Variants in MYT1L observed in about 807,000 individuals in gnomAD.
MYT1L encodes the protein myelin transcription factor 1-like protein.
Under a neutral mutation model 126.7 loss-of-function variants are expected in MYT1L, and 12 were observed. The observed-to-expected ratio is 0.09, with a 90% CI of 0.06 to 0.15. The LOEUF (loss-of-function observed/expected upper bound fraction) is 0.15, where lower values mean the gene tolerates loss of function less well. Among genes scored for constraint, MYT1L ranks in the 10% least tolerant of loss-of-function variants. The pLI is 1.00. For synonymous variants in MYT1L, 541 were observed against 604.2 expected, an observed-to-expected ratio of 0.90 and a Z score of 1.53; for missense variants, 979 against 1,585.2, an observed-to-expected ratio of 0.62 and a Z score of 6.49.
chr2:2,004,823 C>T (rs1173461578), intron 4 of MYT1L, among the ~76,000 whole-genome samples: 1 of 150,408 alleles, frequency 6.6e-6, no homozygotes, highest in African/African-American at 2.5e-5. Flanking sequence ...GGCATTCTTT[C>T]CTGCATGTGT....
At chr2:2,216,873 G>A (rs1437087671) in intron 2 of MYT1L, among the ~76,000 whole-genome samples, 1 of 151,960 alleles carries the variant, frequency 6.6e-6, no homozygotes, top group Non-Finnish European at 1.5e-5. Context: ...TTACTAAAAA[G>A]ATAATGAACA....
At chr2:2,056,321 AG>A (rs2069552294) in intron 3 of MYT1L, among the ~76,000 whole-genome samples, 1 of 152,184 alleles carries the variant, frequency 6.6e-6, no homozygotes. Context: ...CCCCTCTTGG[AG>A]GAAGGGGAGT....
chr2:2,096,946 G>T (rs72767371), intron 3 of MYT1L, among the ~76,000 whole-genome samples: 6,537 of 152,230 alleles, frequency 0.043, 209 homozygotes, highest in Non-Finnish European at 0.066. Flanking sequence ...TTCACAGTGT[G>T]GGCTAGGGGG....
chr2:2,230,082 C>G (rs2149052973), intron 2 of MYT1L, among the ~76,000 whole-genome samples: 1 of 152,296 alleles, frequency 6.6e-6, no homozygotes, highest in Non-Finnish European at 1.5e-5. Flanking sequence ...TCAGATTCTC[C>G]AGTGACTTGT....
In MYT1L at chr2:2,093,085, T is replaced by C. The variant is rs556796917; in HGVS notation, c.-303-38962A>G. ...AATACAGAGGATGAACTGACAATAA[T>C]AAAAGCATAATAAAAATATTTTATT... On this transcript the variant is annotated intron_variant, in intron 3 of 24. Transcript: ENST00000647738. Among the ~76,000 whole-genome samples the C allele has an allele frequency of 3.9e-5, 6 of 152,296 alleles. No homozygotes were observed. In the South Asian group the frequency reaches 1.2e-3, roughly 32 times the overall value.
chr2:2,020,684 G>C (rs529241858), intron 4 of MYT1L, among the ~76,000 whole-genome samples: 66 of 152,082 alleles, frequency 4.3e-4, no homozygotes, highest in African/African-American at 1.5e-3. Flanking sequence ...AACTTTTCTT[G>C]TTCCTAAGTT....
intron 4 of MYT1L, among the ~76,000 whole-genome samples, chr2:2,031,739 C>T (rs1456468876): frequency 7.5e-5 from 11 of 146,366 alleles, no homozygotes; most frequent in African/African-American, 2.8e-4. Flanking sequence ...CATCCTGTCG[C>T]CCAGAGCAGA....
rs80163849 is a variant in MYT1L, at chr2:2,280,310, G to A, written c.-421+4094C>T. On this transcript the variant is annotated intron_variant, in intron 2 of 24. Coordinates refer to ENST00000647738, the MANE Select transcript of MYT1L (RefSeq NM_001303052.2). ...CTGGTTGTATGGTTCACAGCTTTAC[G>A]TATTGTTGATTTGTTGCCATTGCTT... 9.9e-5 allele frequency among the ~76,000 whole-genome samples: 15 copies of A among 152,252 alleles called. No homozygotes were observed. The East Asian group carries it at 2.5e-3, about 26-fold the overall frequency.
rs1167910803 is a variant in MYT1L at position 2,217,685 on chromosome 2, C to CAAAAAAAAAAAAAAAA, written c.-420-44698_-420-44697insTTTTTTTTTTTTTTTT. Among the ~76,000 whole-genome samples the CAAAAAAAAAAAAAAAA allele has an allele frequency of 6.3e-5, 5 of 79,634 alleles. 1 individual carries two copies. Among genetic ancestry groups the CAAAAAAAAAAAAAAAA allele is most frequent in the Non-Finnish European group, 9.7e-5 (4 of 41,124 alleles). 52.2% of individuals were successfully genotyped at this position (79,634 alleles called of 152,430 possible). A position where few individuals can be genotyped will look rare whatever the true frequency, so the allele number is the denominator to read the frequency against. On this transcript the variant is annotated intron_variant, in intron 2 of 24. Coordinates refer to ENST00000647738, the MANE Select transcript of MYT1L (RefSeq NM_001303052.2). ...AACTCCATCTCAACAACAACAACAA[C>CAAAAAAAAAAAAAAAA]AACAACAACAACAACAACAACAAAA... is the stretch of plus-strand genomic sequence containing the variant.
chr2:2,286,144 G>A lies in MYT1L; in HGVS notation c.-520-1641C>T, dbSNP rs187474897. Among the ~76,000 whole-genome samples, 415 of 152,118 alleles carry A rather than the reference G, an allele frequency of 2.7e-3. 5 individuals carry two copies. The highest frequency in any genetic ancestry group is 9.6e-3 in the African/African-American group (398 of 41,476). Reference sequence around the variant, plus strand: ...AATACTGGCGTGTGCCACCACCCCCGGCTAATTTTTGTATTTTTAGTAGAG... The same window carrying A: ...AATACTGGCGTGTGCCACCACCCCCAGCTAATTTTTGTATTTTTAGTAGAG... On this transcript the variant is annotated intron_variant, in intron 1 of 24. Transcript: ENST00000647738.
At position 2,059,524 on chromosome 2, in the gene MYT1L, G is replaced by A. The variant is rs2070108572; in HGVS notation, c.-303-5401C>T. Among the ~76,000 whole-genome samples the A allele has an allele frequency of 6.6e-6, 1 of 152,194 alleles. No individual in the cohort carries two copies. Among genetic ancestry groups the A allele is most frequent in the Non-Finnish European group, 1.5e-5 (1 of 68,034 alleles). The stretch of plus-strand genomic sequence containing the variant: ...TGGCGGCACTTCATCCCCACTGAGG[G>A]TGGACATGCATGCAGTGAGTTCTCC... On this transcript the variant is annotated intron_variant, in intron 3 of 24. Transcript: ENST00000647738. This position sits in a 1 kb window ranked among gnomAD's most constrained non-coding sequence, Gnocchi z 4.7.
At chr2:2,073,763 C>G (rs2074899476) in intron 3 of MYT1L, among the ~76,000 whole-genome samples, 1 of 152,184 alleles carries the variant, frequency 6.6e-6, no homozygotes, top group Non-Finnish European at 1.5e-5. Flanking sequence ...TTGACTTCCT[C>G]TTGGAGCGTT....
At chr2:2,292,572 C>A (rs1412052640) in intron 1 of MYT1L, among the ~76,000 whole-genome samples, 1 of 152,120 alleles carries the variant, frequency 6.6e-6, no homozygotes, top group Non-Finnish European at 1.5e-5. Flanking sequence ...GCCTCCCATC[C>A]CTGTTGGGGC....
chr2:2,031,152 A>G (rs896564800), intron 4 of MYT1L, among the ~76,000 whole-genome samples: 6 of 152,346 alleles, frequency 3.9e-5, no homozygotes, highest in South Asian at 2.1e-4. Flanking sequence ...TGGCATGTCA[A>G]CATCACTGGG....
At chr2:2,061,010 T>C (rs1004384370) in intron 3 of MYT1L, among the ~76,000 whole-genome samples, 1 of 152,108 alleles carries the variant, frequency 6.6e-6, no homozygotes, top group South Asian at 2.1e-4. Context: ...TGGTTATACA[T>C]TTTACTGTAA....
chr2:1,963,201 G>A (rs114154104), intron 8 of MYT1L, among the ~76,000 whole-genome samples: 1,865 of 152,326 alleles, frequency 0.012, 43 homozygotes, highest in African/African-American at 0.042. Context: ...GGGTGCCCAG[G>A]TGCATTGCCC....
At chr2:2,145,251 T>C (rs979850596) in intron 3 of MYT1L, among the ~76,000 whole-genome samples, 2 of 152,168 alleles carry the variant, frequency 1.3e-5, no homozygotes, top group Admixed American at 1.3e-4. Flanking sequence ...GAGGAGATTC[T>C]GGAGAAAGCA....
In MYT1L at chr2:1,821,310, A is replaced by AT. The variant is rs113753194; in HGVS notation, c.3081-12144dup. 8.4e-3 allele frequency among the ~76,000 whole-genome samples: 1,275 copies of AT among 151,062 alleles called. 15 individuals carry two copies. Among genetic ancestry groups the AT allele is most frequent in the African/African-American group, 0.029 (1,203 of 41,164 alleles). On this transcript the variant is annotated intron_variant, in intron 21 of 24. Transcript: ENST00000647738. ...GATTACTAACTCTCCTGAATTCTTTATTTTTTTTTAACAAAATCTTTTATC... is the reference window on the plus strand; with the variant it reads ...GATTACTAACTCTCCTGAATTCTTTATTTTTTTTTTAACAAAATCTTTTATC...
intron 2 of MYT1L, among the ~76,000 whole-genome samples, chr2:2,239,573 T>C (rs1005693215): frequency 1.3e-5 from 2 of 152,238 alleles, no homozygotes; most frequent in African/African-American, 4.8e-5. Flanking sequence ...GCAACGTCCT[T>C]CGGGGTTTAC....
Sources: gnomAD v4.1 joint callset for allele counts (sites outside exome capture counted in the v4.1 genomes callset) on GRCh38, gnomAD v4.1.1 for gene constraint, Gnocchi (gnomAD v3.1) non-coding constraint, MANE v1.5 for transcripts, NCBI Gene and HGNC (gene_info 2026-07-23, HGNC 2026-07-21) for gene names.